The following PRKN variants were observed in gnomAD, a reference collection of about 807,000 sequenced individuals.
PRKN encodes the protein E3 ubiquitin-protein ligase parkin.
A neutral mutation model predicts 59.5 loss-of-function variants in PRKN; 56 were observed. The ratio of observed to expected loss-of-function variants is 0.94; its 90% CI spans 0.76 to 1.18. PRKN has a LOEUF of 1.18. Ranked by LOEUF, PRKN falls within the 50% of genes most tolerant of loss-of-function variation. The pLI is 0.00. For synonymous variants in PRKN, 250 were observed against 222.1 expected, an observed-to-expected ratio of 1.13 and a Z score of -1.12; for missense variants, 657 against 596.4, an observed-to-expected ratio of 1.10 and a Z score of -1.06.
intron 4 of PRKN, among the ~76,000 whole-genome samples, chr6:162,175,878 A>C (rs909237135): frequency 6.6e-6 from 1 of 152,158 alleles, no homozygotes; most frequent in African/African-American, 2.4e-5. Context: ...GTGCTGCCCC[A>C]TCTCCATGAA....
At chr6:162,600,064 T>C (rs954073616) in intron 1 of PRKN, among the ~76,000 whole-genome samples, 11 of 152,190 alleles carry the variant, frequency 7.2e-5, no homozygotes, top group African/African-American at 2.4e-4. Context: ...TACATTTATA[T>C]ACCCATCTCA....
chr6:162,164,107 G>A (rs938274818), intron 4 of PRKN, among the ~76,000 whole-genome samples: 2 of 149,280 alleles, frequency 1.3e-5, no homozygotes, highest in Non-Finnish European at 3.0e-5. Flanking sequence ...TGGAATACCA[G>A]CTGTTGAAAT....
At chr6:161,670,828 C>A (rs1784882274) in intron 7 of PRKN, among the ~76,000 whole-genome samples, 1 of 151,512 alleles carries the variant, frequency 6.6e-6, no homozygotes, top group East Asian at 2.0e-4. Context: ...AACAAACAAA[C>A]AAACAAACAA....
At chr6:162,439,492 A>T (rs1789949333) in intron 2 of PRKN, among the ~76,000 whole-genome samples, 1 of 152,056 alleles carries the variant, frequency 6.6e-6, no homozygotes, top group African/African-American at 2.4e-5. Context: ...AAACTCAAGA[A>T]ATTCACCTCT....
intron 2 of PRKN, among the ~76,000 whole-genome samples, chr6:162,362,081 T>C (rs1025407925): frequency 1.3e-5 from 2 of 152,178 alleles, no homozygotes; most frequent in African/African-American, 2.4e-5. Context: ...CCCAAACATT[T>C]TGCCAAATAT....
At chr6:162,394,603 A>C (rs887377321) in intron 2 of PRKN, among the ~76,000 whole-genome samples, 5 of 152,174 alleles carry the variant, frequency 3.3e-5, no homozygotes, top group Non-Finnish European at 5.9e-5. Flanking sequence ...TAGAAATTTC[A>C]TTTCCTATAC....
At chr6:162,422,327 C>T (rs1338213416) in intron 2 of PRKN, among the ~76,000 whole-genome samples, 6 of 152,150 alleles carry the variant, frequency 3.9e-5, no homozygotes, top group Non-Finnish European at 8.8e-5. Context: ...AATTTACCTG[C>T]CCCTAGTATA....
intron 1 of PRKN, among the ~76,000 whole-genome samples, chr6:162,513,483 A>C (rs1238448233): frequency 6.6e-6 from 1 of 151,674 alleles, no homozygotes; most frequent in Non-Finnish European, 1.5e-5. Context: ...AAAAGAAAAG[A>C]AAAGAAAAGA....
intron 6 of PRKN, among the ~76,000 whole-genome samples, chr6:161,875,686 G>C (rs1434981567): frequency 6.6e-6 from 1 of 152,098 alleles, no homozygotes; most frequent in Non-Finnish European, 1.5e-5. Flanking sequence ...GACACAGGAG[G>C]AACTTTTAGT....
At chr6:162,254,707 G>A (rs1779574699) in intron 3 of PRKN, among the ~76,000 whole-genome samples, 1 of 152,022 alleles carries the variant, frequency 6.6e-6, no homozygotes, top group African/African-American at 2.4e-5. Flanking sequence ...GCTTTGTTAA[G>A]CCCCCTGTGA....
rs1227631445 is a variant in PRKN at position 161,525,492 on chromosome 6, C to G, written c.1083+23362G>C. 1.3e-5 allele frequency among the ~76,000 whole-genome samples: 2 copies of G among 152,118 alleles called. No homozygotes were observed. Among genetic ancestry groups the G allele is most frequent in the Admixed American group, 6.5e-5 (1 of 15,268 alleles). ...GCCAACAGGTCAGGGATATTGGGAGCAGGAGAACTGTGGTGCTGCATGAAT... is the reference window on the plus strand; with the variant it reads ...GCCAACAGGTCAGGGATATTGGGAGGAGGAGAACTGTGGTGCTGCATGAAT... On this transcript the variant is annotated intron_variant, in intron 9 of 11. Transcript: ENST00000366898. The surrounding 1 kb of genome is among the most constrained non-coding windows in gnomAD (Gnocchi z 4.7).
At chr6:162,676,028 G>A (rs1309119621) in intron 1 of PRKN, among the ~76,000 whole-genome samples, 2 of 152,150 alleles carry the variant, frequency 1.3e-5, no homozygotes, top group Non-Finnish European at 2.9e-5. Flanking sequence ...ATCTTTTAGA[G>A]AAGCAACATG....
intron 7 of PRKN, among the ~76,000 whole-genome samples, chr6:161,607,771 T>C (rs1180288404): frequency 6.6e-6 from 1 of 152,200 alleles, no homozygotes; most frequent in African/African-American, 2.4e-5. Flanking sequence ...TTTCCCAGTA[T>C]AGAAGGTCAT....
chr6:162,164,091 C>G (rs2849590), intron 4 of PRKN, among the ~76,000 whole-genome samples: 64,626 of 148,346 alleles, frequency 0.44, 17,069 homozygotes, highest in East Asian at 0.57. Context: ...GGCATTTGCT[C>G]AAGTGTGGAA....
At chr6:161,950,852 C>T (rs1367612612) in intron 6 of PRKN, among the ~76,000 whole-genome samples, 2 of 151,766 alleles carry the variant, frequency 1.3e-5, no homozygotes, top group East Asian at 3.9e-4. Context: ...GTAAAAGCCT[C>T]AGGCGAAGGG....
intron 2 of PRKN, among the ~76,000 whole-genome samples, chr6:162,310,691 A>G (rs979606329): frequency 2.6e-5 from 4 of 151,960 alleles, no homozygotes; most frequent in Non-Finnish European, 5.9e-5. Context: ...ACATGTATAC[A>G]TATGTAACAA....
intron 7 of PRKN, among the ~76,000 whole-genome samples, chr6:161,665,228 T>G (rs2128166840): frequency 6.6e-6 from 1 of 152,220 alleles, no homozygotes; most frequent in South Asian, 2.1e-4. Flanking sequence ...TAGTATTATG[T>G]TCCTAAATCT....
chr6:161,529,628 A>G lies in PRKN; in HGVS notation c.1083+19226T>C, dbSNP rs1239729743. The stretch of plus-strand genomic sequence containing the variant: ...CGAAGTATAGTCTACTCATAGGATT[A>G]CGGCAACTCAGTTTAAGTGAGGCTG... On this transcript the variant is annotated intron_variant, in intron 9 of 11. Transcript: ENST00000366898. The surrounding 1 kb of genome is among the most constrained non-coding windows in gnomAD (Gnocchi z 4.4). Among the ~76,000 whole-genome samples, 9 of 152,230 alleles carry G rather than the reference A, an allele frequency of 5.9e-5. No individual in the cohort carries two copies. The highest frequency in any genetic ancestry group is 5.9e-4 in the Admixed American group (9 of 15,292).
chr6:162,657,689 C>A (rs1583994847), intron 1 of PRKN, among the ~76,000 whole-genome samples: 1 of 152,272 alleles, frequency 6.6e-6, no homozygotes, highest in East Asian at 1.9e-4. Flanking sequence ...AAATCTTTCT[C>A]ATGGAAATCC....
Sources: allele counts gnomAD v4.1 joint callset (sites outside exome capture counted in the v4.1 genomes callset), GRCh38; gene constraint gnomAD v4.1.1; non-coding constraint Gnocchi (gnomAD v3.1); transcripts MANE v1.5; gene names NCBI Gene and HGNC (gene_info 2026-07-23, HGNC 2026-07-21).